The following SNTG1 variants were observed in gnomAD, a reference collection of about 807,000 sequenced individuals.
The protein encoded by SNTG1 is gamma-1-syntrophin.
A neutral mutation model predicts 74.7 loss-of-function variants in SNTG1; 39 were observed. That is an observed-to-expected ratio of 0.52 (90% confidence interval 0.40 to 0.68). SNTG1 has a LOEUF of 0.68. SNTG1 is among the 30% of genes least tolerant of loss of function. The pLI is 0.00. For missense variants in SNTG1, 685 were observed against 609.5 expected, an observed-to-expected ratio of 1.12 and a Z score of -1.30; for synonymous variants, 254 against 217.1, an observed-to-expected ratio of 1.17 and a Z score of -1.49.
intron 1 of SNTG1, among the ~76,000 whole-genome samples, chr8:49,932,017 G>A (rs1395393652): frequency 1.3e-5 from 2 of 152,124 alleles, no homozygotes; most frequent in East Asian, 3.8e-4. Flanking sequence ...TATGCATTGT[G>A]TGTGCTTAAT....
In SNTG1 at chr8:50,520,539, T is replaced by C. The variant is rs551467013; in HGVS notation, c.467-9638T>C. Among the ~76,000 whole-genome samples the C allele has an allele frequency of 1.1e-3, 161 of 152,178 alleles. 3 individuals carry two copies. In the South Asian group the frequency reaches 0.015, roughly 15 times the overall value. ...ATGGGAGAAAAAAGGCAAAGGCTGA[T>C]ATCCAGAATCTATGAGGAATGTAAA... On this transcript the variant is annotated intron_variant, in intron 9 of 18. Transcript: ENST00000642720.
At chr8:50,366,640 T>C (rs1420135330) in intron 2 of SNTG1, among the ~76,000 whole-genome samples, 2 of 147,812 alleles carry the variant, frequency 1.4e-5, no homozygotes, top group Admixed American at 1.4e-4. Flanking sequence ...TCTATATGAT[T>C]TTATATATAT....
chr8:50,471,258 G>A (rs1185218144), intron 8 of SNTG1, among the ~76,000 whole-genome samples: 1 of 117,288 alleles, frequency 8.5e-6, no homozygotes. Flanking sequence ...TTTTTTTTTT[G>A]GAGACACCCT....
chr8:50,623,266 T>A (rs997742054), intron 13 of SNTG1, among the ~76,000 whole-genome samples: 2 of 152,080 alleles, frequency 1.3e-5, no homozygotes, highest in African/African-American at 4.8e-5. Flanking sequence ...GAGGAAAAAA[T>A]TTCAGTTTTC....
intron 1 of SNTG1, among the ~76,000 whole-genome samples, chr8:49,979,913 T>G (rs2130116219): frequency 6.6e-6 from 1 of 152,356 alleles, no homozygotes; most frequent in South Asian, 2.1e-4. Flanking sequence ...AATTCTATCC[T>G]GGTGAAAGAG....
In SNTG1 at chr8:50,462,794, C is replaced by CTTTTTT. The variant is rs2093576027; in HGVS notation, c.363+12066_363+12067insTTTTTT. 3.0e-4 allele frequency among the ~76,000 whole-genome samples: 13 copies of CTTTTTT among 43,628 alleles called. 2 individuals carry two copies. The highest frequency in any genetic ancestry group is 5.9e-4 in the Admixed American group (2 of 3,406). The allele number at this position is 43,628 out of a possible 152,430, so 28.6% of individuals were successfully genotyped here. ...AACTCAGTCGCATCTTCAGGTTCTACTCTTTTTTTTTTTTTTTTTTTTTTT... is the reference window on the plus strand; with the variant it reads ...AACTCAGTCGCATCTTCAGGTTCTACTTTTTTTCTTTTTTTTTTTTTTTTTTTTTTT... On this transcript the variant is annotated intron_variant, in intron 8 of 18. Transcript: ENST00000642720.
intron 18 of SNTG1, among the ~76,000 whole-genome samples, chr8:50,778,234 G>C (rs993365018): frequency 1.3e-5 from 2 of 152,086 alleles, no homozygotes; most frequent in African/African-American, 4.8e-5. Context: ...AGGATGGCTG[G>C]GTCAAATGGT....
At chr8:50,740,149 C>T (rs1019257282) in intron 17 of SNTG1, among the ~76,000 whole-genome samples, 15 of 151,858 alleles carry the variant, frequency 9.9e-5, no homozygotes, top group African/African-American at 3.4e-4. Flanking sequence ...AAAAGCTCTG[C>T]GCAGCAAAAG....
At chr8:50,712,594 C>T (rs1170641700) in intron 17 of SNTG1, among the ~76,000 whole-genome samples, 1 of 151,894 alleles carries the variant, frequency 6.6e-6, no homozygotes, top group Non-Finnish European at 1.5e-5. Context: ...TCCATCAACC[C>T]GTCATCTAGG....
chr8:50,086,486 A>G (rs1822900525), intron 1 of SNTG1, among the ~76,000 whole-genome samples: 1 of 152,206 alleles, frequency 6.6e-6, no homozygotes, highest in Non-Finnish European at 1.5e-5. Flanking sequence ...GTTGCCCTGC[A>G]TGATGAGGGA....
At chr8:49,960,944 G>A (rs1036789693) in intron 1 of SNTG1, among the ~76,000 whole-genome samples, 5 of 152,158 alleles carry the variant, frequency 3.3e-5, no homozygotes, top group Admixed American at 6.5e-5. Flanking sequence ...TACACAGGAA[G>A]AGCATTATCA....
At chr8:50,441,125 T>C (rs1387874593) in intron 5 of SNTG1, among the ~76,000 whole-genome samples, 1 of 152,110 alleles carries the variant, frequency 6.6e-6, no homozygotes, top group Non-Finnish European at 1.5e-5. Context: ...GGGCTTCTTA[T>C]GTAGGTCTGA....
intron 1 of SNTG1, among the ~76,000 whole-genome samples, chr8:49,981,852 G>A (rs1380829926): frequency 6.6e-6 from 1 of 151,942 alleles, no homozygotes; most frequent in Non-Finnish European, 1.5e-5. Context: ...AGAGTATGTA[G>A]ACTTTCTAAA....
At chr8:50,431,256 A>T (rs1016048100) in intron 4 of SNTG1, among the ~76,000 whole-genome samples, 23 of 152,208 alleles carry the variant, frequency 1.5e-4, no homozygotes, top group African/African-American at 5.3e-4. Flanking sequence ...TTTCCTTAAC[A>T]TGGAGATTCT....
intron 1 of SNTG1, among the ~76,000 whole-genome samples, chr8:50,040,700 C>A (rs1000930431): frequency 1.3e-5 from 2 of 152,034 alleles, no homozygotes; most frequent in African/African-American, 4.8e-5. Context: ...GTTATGTGAA[C>A]CTCATTTAGA....
chr8:50,332,638 A>G (rs926558474), intron 2 of SNTG1, among the ~76,000 whole-genome samples: 1 of 152,218 alleles, frequency 6.6e-6, no homozygotes, highest in African/African-American at 2.4e-5. Flanking sequence ...ACACCATCTT[A>G]TATAGATAAT....
intron 13 of SNTG1, among the ~76,000 whole-genome samples, chr8:50,591,552 C>T (rs1305375122): frequency 6.6e-6 from 1 of 152,100 alleles, no homozygotes; most frequent in Non-Finnish European, 1.5e-5. Context: ...TGTGTAAGGG[C>T]GACTATCCTG....
intron 17 of SNTG1, among the ~76,000 whole-genome samples, chr8:50,728,173 A>T (rs985464118): frequency 6.6e-6 from 1 of 152,160 alleles, no homozygotes; most frequent in Non-Finnish European, 1.5e-5. Flanking sequence ...CAGTGATTCC[A>T]GGTCTATTCC....
intron 8 of SNTG1, among the ~76,000 whole-genome samples, chr8:50,473,905 G>T (rs1225086081): frequency 5.3e-5 from 8 of 152,034 alleles, no homozygotes; most frequent in Non-Finnish European, 1.2e-4. Flanking sequence ...GTTTTCCAGA[G>T]CCTGGGGGAA....
Sources: gnomAD v4.1 joint callset for allele counts (sites outside exome capture counted in the v4.1 genomes callset) on GRCh38, gnomAD v4.1.1 for gene constraint, MANE v1.5 for transcripts, NCBI Gene and HGNC (gene_info 2026-07-23, HGNC 2026-07-21) for gene names.